Variants in SLCO3A1 observed in about 807,000 individuals in gnomAD.
SLCO3A1 encodes the protein solute carrier organic anion transporter family member 3A1.
A neutral mutation model predicts 63.1 loss-of-function variants in SLCO3A1; 27 were observed. The observed-to-expected ratio is 0.43, with a 90% CI of 0.32 to 0.59. The LOEUF (loss-of-function observed/expected upper bound fraction) is 0.59, where lower values mean the gene tolerates loss of function less well. Ranked by LOEUF, SLCO3A1 falls within the 20% of genes least tolerant of loss-of-function variation. SLCO3A1 has a pLI of 0.09. For missense variants in SLCO3A1, 773 were observed against 945.8 expected (o/e 0.82, Z 2.40); for synonymous variants, 473 against 409.9 (o/e 1.15, Z -1.86).
intron 9 of SLCO3A1, among the ~76,000 whole-genome samples, chr15:92,160,796 G>A (rs1230142189): frequency 6.6e-6 from 1 of 152,100 alleles, no homozygotes; most frequent in Non-Finnish European, 1.5e-5. Context: ...ATTAAAACCG[G>A]GGGAAGGGCT....
rs1376257602 is a variant in SLCO3A1 at position 92,163,758 on chromosome 15, G to A, written c.*623G>A. Reference sequence around the variant, plus strand: ...TCTGCATGTGGTTCAAGGCCCCAGAGTTCTCTCAGTGATGCTAATGGGTGA... The same window carrying A: ...TCTGCATGTGGTTCAAGGCCCCAGAATTCTCTCAGTGATGCTAATGGGTGA... On this transcript the variant is annotated 3_prime_UTR_variant, in exon 10 of 10. Coordinates refer to ENST00000318445, the MANE Select transcript of SLCO3A1 (RefSeq NM_013272.4). 2 of 985,292 alleles carry A rather than the reference G, an allele frequency of 2.0e-6. No homozygotes were observed. The highest frequency in any genetic ancestry group is 3.5e-5 in the African/African-American group (2 of 57,198). The allele number at this position is 985,292 out of a possible 1,614,324, so 61.0% of individuals were successfully genotyped here.
In SLCO3A1 at chr15:92,133,623, C is replaced by T. The variant is rs528887177; in HGVS notation, c.1512+5134C>T. Among the ~76,000 whole-genome samples, 2 of 145,154 alleles carry T rather than the reference C, an allele frequency of 1.4e-5. 1 individual carries two copies. The highest frequency in any genetic ancestry group is 3.1e-5 in the Non-Finnish European group (2 of 64,872). ...ATGAACTTACTGTGAACTGCGCACG[C>T]GAGGGATCTAGGGTGCGTGTGCCTT... On this transcript the variant is annotated intron_variant, in intron 7 of 9. Transcript: ENST00000318445.
rs1419472212 is a variant in SLCO3A1 at position 91,967,565 on chromosome 15, T to C, written c.646+51107T>C. On this transcript the variant is annotated intron_variant, in intron 2 of 9. Coordinates refer to ENST00000318445, the MANE Select transcript of SLCO3A1 (RefSeq NM_013272.4). This position sits in a 1 kb window ranked among gnomAD's most constrained non-coding sequence, Gnocchi z 4.4. ...CAGGATAAAGACAGCACTCGACATA[T>C]AATAAAAATCAATATGGATAAGACA... Among the ~76,000 whole-genome samples, 1 of 152,176 alleles carries C rather than the reference T, an allele frequency of 6.6e-6. No individual in the cohort carries two copies. Among genetic ancestry groups the C allele is most frequent in the Non-Finnish European group, 1.5e-5 (1 of 68,028 alleles).
intron 4 of SLCO3A1, among the ~76,000 whole-genome samples, chr15:92,118,730 G>A (rs1596117321): frequency 6.6e-6 from 1 of 152,168 alleles, no homozygotes; most frequent in African/African-American, 2.4e-5. Flanking sequence ...GCACTGATCA[G>A]TTTTTCCTAG....
At chr15:92,064,194 C>T (rs573398304) in intron 2 of SLCO3A1, among the ~76,000 whole-genome samples, 2 of 152,332 alleles carry the variant, frequency 1.3e-5, no homozygotes, top group African/African-American at 2.4e-5. Flanking sequence ...AGGTCCTCCC[C>T]TTCTCCCCTT....
chr15:92,063,721 G>C (rs1015063587), intron 2 of SLCO3A1, among the ~76,000 whole-genome samples: 3 of 152,078 alleles, frequency 2.0e-5, no homozygotes, highest in African/African-American at 7.2e-5. Context: ...ATGGTGGCGC[G>C]TACCTGTAGT....
At chr15:92,116,973 A>G (rs59239408) in intron 4 of SLCO3A1, among the ~76,000 whole-genome samples, 1,597 of 152,354 alleles carry the variant, frequency 0.01, 25 homozygotes, top group African/African-American at 0.036. Flanking sequence ...ATCATTCTCA[A>G]ACCTAATGAT....
chr15:92,038,016 C>T (rs1241898958), intron 2 of SLCO3A1, among the ~76,000 whole-genome samples: 1 of 152,134 alleles, frequency 6.6e-6, no homozygotes, highest in African/African-American at 2.4e-5. Context: ...CTCCTGTGCT[C>T]CTTACTAAAA....
chr15:91,988,528 A>G (rs2046083977), intron 2 of SLCO3A1, among the ~76,000 whole-genome samples: 1 of 142,392 alleles, frequency 7.0e-6, no homozygotes, highest in South Asian at 2.3e-4. Flanking sequence ...AGCATGAGAC[A>G]CGATAAAAAG....
At chr15:91,952,354 T>G (rs991360927) in intron 2 of SLCO3A1, among the ~76,000 whole-genome samples, 2 of 152,248 alleles carry the variant, frequency 1.3e-5, no homozygotes, top group Non-Finnish European at 2.9e-5. Flanking sequence ...TAGAATATTA[T>G]GCTCTTGGTC....
chr15:92,062,421 C>T (rs540890112), intron 2 of SLCO3A1, among the ~76,000 whole-genome samples: 105 of 152,058 alleles, frequency 6.9e-4, no homozygotes, highest in Non-Finnish European at 1.4e-3. Flanking sequence ...GGCCCGAGTG[C>T]CGTGTGGTCC....
rs1288516074 is a variant in SLCO3A1 at position 91,950,532 on chromosome 15, C to T, written c.646+34074C>T. 2.0e-5 allele frequency among the ~76,000 whole-genome samples: 3 copies of T among 152,256 alleles called. No homozygotes were observed. Among genetic ancestry groups the T allele is most frequent in the South Asian group, 4.1e-4 (2 of 4,836 alleles). On this transcript the variant is annotated intron_variant, in intron 2 of 9. Transcript: ENST00000318445. The surrounding 1 kb of genome is among the most constrained non-coding windows in gnomAD (Gnocchi z 4.4). ...GCGCACCCCACATGGGTGTGTGATC[C>T]TTTGTTTTTTTGCTGCAGGCTCCAT...
At chr15:92,145,183 T>A (rs1567144552) in intron 7 of SLCO3A1, among the ~76,000 whole-genome samples, 1 of 152,110 alleles carries the variant, frequency 6.6e-6, no homozygotes. Flanking sequence ...CCCCACCGGA[T>A]TCATGCGTGT....
At chr15:92,081,852 G>C (rs2047350362) in intron 2 of SLCO3A1, among the ~76,000 whole-genome samples, 1 of 152,192 alleles carries the variant, frequency 6.6e-6, no homozygotes, top group Non-Finnish European at 1.5e-5. Context: ...CTAGGGATTG[G>C]TGTTTTCTTT....
chr15:92,152,203 T>TA (rs537790688), intron 9 of SLCO3A1, among the ~76,000 whole-genome samples: 25 of 152,396 alleles, frequency 1.6e-4, no homozygotes, highest in Middle Eastern at 3.4e-3. Flanking sequence ...AGATTAGTTT[T>TA]TATATACCGA....
intron 2 of SLCO3A1, among the ~76,000 whole-genome samples, chr15:92,065,899 GA>G (rs1233825439): frequency 6.6e-6 from 1 of 152,128 alleles, no homozygotes; most frequent in Non-Finnish European, 1.5e-5. Flanking sequence ...AAGTTTAAAA[GA>G]AAAAAGGTTT....
rs936269181 is a variant in SLCO3A1, at chr15:91,948,765, G to T, written c.646+32307G>T. ...TCTGGGATGTAAAGTTGGAAGTCAG[G>T]GTCCTTTGGGTCCTGTATCCTGACT... is the stretch of plus-strand genomic sequence containing the variant. On this transcript the variant is annotated intron_variant, in intron 2 of 9. Transcript: ENST00000318445. This position sits in a 1 kb window ranked among gnomAD's most constrained non-coding sequence, Gnocchi z 4.8. Among the ~76,000 whole-genome samples the T allele has an allele frequency of 2.0e-5, 3 of 152,056 alleles. No individual in the cohort carries two copies. The highest frequency in any genetic ancestry group is 7.2e-5 in the African/African-American group (3 of 41,396).
chr15:92,108,934 G>A (rs188706977), intron 4 of SLCO3A1, among the ~76,000 whole-genome samples: 58 of 152,140 alleles, frequency 3.8e-4, no homozygotes, highest in African/African-American at 1.2e-3. Flanking sequence ...CATTACCATG[G>A]CAGTCTCTTT....
intron 2 of SLCO3A1, among the ~76,000 whole-genome samples, chr15:92,081,779 G>A (rs951007082): frequency 1.3e-5 from 2 of 152,176 alleles, no homozygotes; most frequent in African/African-American, 4.8e-5. Context: ...GGGGACTTTG[G>A]GAAAAGCCCA....
Sources: gnomAD v4.1 joint callset for allele counts (sites outside exome capture counted in the v4.1 genomes callset) on GRCh38, gnomAD v4.1.1 for gene constraint, Gnocchi (gnomAD v3.1) non-coding constraint, MANE v1.5 for transcripts, NCBI Gene and HGNC (gene_info 2026-07-23, HGNC 2026-07-21) for gene names.